The following RNLS variants were observed in gnomAD, a reference collection of about 807,000 sequenced individuals.
RNLS encodes the protein renalase.
Under a neutral mutation model 39.8 loss-of-function variants are expected in RNLS, and 39 were observed. That is an observed-to-expected ratio of 0.98 (90% CI 0.76 to 1.28). The LOEUF is 1.28. Among genes scored for constraint, RNLS ranks in the 50% most tolerant of loss-of-function variants. The pLI is 0.00. For synonymous variants in RNLS, 147 were observed against 150.7 expected (o/e 0.98, Z 0.18); for missense variants, 410 against 413.3 (o/e 0.99, Z 0.07).
At chr10:88,196,426 C>T in the RNLS span, among the ~76,000 whole-genome samples, 1 of 152,202 alleles carries the variant, frequency 6.6e-6, no homozygotes, top group South Asian at 2.1e-4. Flanking sequence ...GAATTATTGA[C>T]CTCATGCTTC....
chr10:88,453,021 G>A (rs2133903069), intron 4 of RNLS, among the ~76,000 whole-genome samples: 1 of 152,298 alleles, frequency 6.6e-6, no homozygotes, highest in South Asian at 2.1e-4. Context: ...AATTCTGAAT[G>A]GTTGGATAGT....
chr10:88,458,933 A>T (rs1272377945), intron 4 of RNLS, among the ~76,000 whole-genome samples: 2 of 152,138 alleles, frequency 1.3e-5, no homozygotes, highest in East Asian at 3.9e-4. Flanking sequence ...TCAAGTGGAA[A>T]AGGAAGAAAG....
the RNLS span, among the ~76,000 whole-genome samples, chr10:88,182,524 A>T: frequency 4.6e-5 from 7 of 152,178 alleles, no homozygotes; most frequent in Non-Finnish European, 4.4e-5. Flanking sequence ...AGCCACATTA[A>T]TATATCATTC....
At chr10:88,341,325 A>C (rs1459597077) in intron 5 of RNLS, among the ~76,000 whole-genome samples, 1 of 135,428 alleles carries the variant, frequency 7.4e-6, no homozygotes, top group African/African-American at 2.8e-5. Flanking sequence ...GCAAAACTCC[A>C]TCTCAAAAAA....
At chr10:88,510,861 A>T (rs1846079492) in intron 4 of RNLS, among the ~76,000 whole-genome samples, 2 of 151,172 alleles carry the variant, frequency 1.3e-5, no homozygotes, top group African/African-American at 2.4e-5. Flanking sequence ...AAAAAAAAAA[A>T]GTTTACATAA....
chr10:88,323,416 A>G (rs1410614278), intron 5 of RNLS, among the ~76,000 whole-genome samples: 1 of 152,198 alleles, frequency 6.6e-6, no homozygotes, highest in African/African-American at 2.4e-5. Flanking sequence ...ACAAAGATCA[A>G]TGGAACAGAA....
intron 4 of RNLS, among the ~76,000 whole-genome samples, chr10:88,364,308 CT>C (rs998993263): frequency 5.1e-4 from 78 of 152,148 alleles, no homozygotes; most frequent in African/African-American, 1.8e-3. Flanking sequence ...ACAGAAGTGG[CT>C]TTAGGAGGTA....
intron 4 of RNLS, among the ~76,000 whole-genome samples, chr10:88,408,191 T>C (rs946445207): frequency 3.9e-5 from 6 of 152,130 alleles, no homozygotes; most frequent in Non-Finnish European, 8.8e-5. Flanking sequence ...TAGAGAAGAA[T>C]TGTTCAATTG....
chr10:88,344,521 G>T (rs1363964125), intron 5 of RNLS, among the ~76,000 whole-genome samples: 1 of 152,080 alleles, frequency 6.6e-6, no homozygotes, highest in African/African-American at 2.4e-5. Context: ...TTTGGCAAAA[G>T]CTCTTAAATC....
At chr10:88,434,749 T>C (rs1407177564) in intron 4 of RNLS, among the ~76,000 whole-genome samples, 1 of 152,152 alleles carries the variant, frequency 6.6e-6, no homozygotes, top group Non-Finnish European at 1.5e-5. Flanking sequence ...TAGCTAGAGT[T>C]TGAGATTCTT....
At chr10:88,530,429 T>C (rs1365071730) in intron 4 of RNLS, among the ~76,000 whole-genome samples, 1 of 152,224 alleles carries the variant, frequency 6.6e-6, no homozygotes, top group Non-Finnish European at 1.5e-5. Context: ...TTTTAGTTAA[T>C]TGACATTTCT....
At chr10:88,355,546 T>G (rs1849092369) in intron 5 of RNLS, among the ~76,000 whole-genome samples, 1 of 152,090 alleles carries the variant, frequency 6.6e-6, no homozygotes, top group East Asian at 1.9e-4. Context: ...GAACAGCAAA[T>G]GTTGCTGTCT....
chr10:88,207,646 G>T, the RNLS span, among the ~76,000 whole-genome samples: 1 of 152,024 alleles, frequency 6.6e-6, no homozygotes, highest in Non-Finnish European at 1.5e-5. Context: ...AAAATCACAG[G>T]GCTCAAAAAT....
intron 4 of RNLS, among the ~76,000 whole-genome samples, chr10:88,408,582 T>G (rs989358427): frequency 5.3e-5 from 8 of 152,086 alleles, no homozygotes; most frequent in African/African-American, 1.9e-4. Flanking sequence ...AATAAATTTT[T>G]TTTCATAAAC....
chr10:88,177,031 T>C, the RNLS span, among the ~76,000 whole-genome samples: 1 of 152,248 alleles, frequency 6.6e-6, no homozygotes, highest in Admixed American at 6.5e-5. Flanking sequence ...CTTCATCTTT[T>C]GACACCTTAG....
At chr10:88,339,506 T>C (rs1274051008) in intron 5 of RNLS, among the ~76,000 whole-genome samples, 1 of 152,178 alleles carries the variant, frequency 6.6e-6, no homozygotes, top group African/African-American at 2.4e-5. Context: ...TGGTCTTCCT[T>C]AATTTCTCTA....
chr10:88,172,839 GTTGTTTTTTTTT>G, the RNLS span, among the ~76,000 whole-genome samples: 787 of 31,498 alleles, frequency 0.025, 18 homozygotes, highest in African/African-American at 0.069. Context: ...TGCATTTTGA[GTTGTTTTTTTTT>G]TTTTTTTTTT....
chr10:88,196,894 G>T, the RNLS span, among the ~76,000 whole-genome samples: 3 of 152,104 alleles, frequency 2.0e-5, no homozygotes, highest in Admixed American at 2.0e-4. Context: ...ATATGTTTTG[G>T]GGCAAATGGA....
At chr10:88,226,876 T>C in the RNLS span, among the ~76,000 whole-genome samples, 39 of 152,056 alleles carry the variant, frequency 2.6e-4, no homozygotes, top group African/African-American at 9.4e-4. Context: ...GTCTTTTTTT[T>C]CCTTCTAAGA....
Sources: gnomAD v4.1 joint callset for allele counts (sites outside exome capture counted in the v4.1 genomes callset) on GRCh38, gnomAD v4.1.1 for gene constraint, MANE v1.5 for transcripts, NCBI Gene and HGNC (gene_info 2026-07-23, HGNC 2026-07-21) for gene names.